SLC25A21: variants seen among roughly 807,000 people sequenced by gnomAD.
SLC25A21 encodes the protein solute carrier family 25 member 21.
In SLC25A21, 47 loss-of-function variants were observed where a neutral mutation model predicts 43.8. That is an observed-to-expected ratio of 1.07 (90% CI 0.85 to 1.37). The LOEUF (loss-of-function observed/expected upper bound fraction) is 1.37, where lower values mean the gene tolerates loss of function less well. Among genes scored for constraint, SLC25A21 ranks in the 40% most tolerant of loss-of-function variants. The pLI, the probability that SLC25A21 is intolerant of heterozygous loss-of-function variation, is 0.00. For missense variants in SLC25A21, 352 were observed against 350.2 expected, an observed-to-expected ratio of 1.00 and a Z score of -0.04; for synonymous variants, 131 against 121.3, an observed-to-expected ratio of 1.08 and a Z score of -0.52.
chr14:36,825,100 A>G (rs1367640086), intron 2 of SLC25A21, among the ~76,000 whole-genome samples: 1 of 152,200 alleles, frequency 6.6e-6, no homozygotes, highest in African/African-American at 2.4e-5. Flanking sequence ...GCATCGATAC[A>G]TTCTGGACAA....
Position 36,711,590 on chromosome 14 carries a change from C to T in SLC25A21, c.439-108G>A, listed in dbSNP as rs373417361. 5 of 1,262,644 alleles carry T rather than the reference C, an allele frequency of 4.0e-6. No homozygotes were observed. In the African/African-American group the frequency reaches 6.0e-5, roughly 15 times the overall value. 78.2% of individuals were successfully genotyped at this position (1,262,644 alleles called of 1,614,324 possible). A position where few individuals can be genotyped will look rare whatever the true frequency, so the allele number is the denominator to read the frequency against. On this transcript the variant is annotated intron_variant, in intron 6 of 9. Coordinates refer to ENST00000331299, the MANE Select transcript of SLC25A21 (RefSeq NM_030631.4). ...GCCAGAATTATTAGGGACTTTTTTC[C>T]CCCAGATATGAATAATCATGCCTAG...
chr14:37,051,307 G>C (rs1479910236), intron 1 of SLC25A21, among the ~76,000 whole-genome samples: 1 of 152,184 alleles, frequency 6.6e-6, no homozygotes, highest in African/African-American at 2.4e-5. Flanking sequence ...TGACAGACTA[G>C]GGGCTTGGAA....
intron 1 of SLC25A21, among the ~76,000 whole-genome samples, chr14:37,023,004 G>C (rs2022724): frequency 0.26 from 39,676 of 151,836 alleles, 9,509 homozygotes; most frequent in African/African-American, 0.64. Flanking sequence ...AGGTAATTTC[G>C]TATAGGGTCC....
intron 2 of SLC25A21, among the ~76,000 whole-genome samples, chr14:36,837,241 T>C (rs2138491289): frequency 6.6e-6 from 1 of 151,932 alleles, no homozygotes. Context: ...TGGAGAACAC[T>C]GAGCTGGGGC....
Position 36,695,146 on chromosome 14 carries a change from C to T in SLC25A21, c.604-10221G>A, listed in dbSNP as rs926420926. 6.1e-4 allele frequency among the ~76,000 whole-genome samples: 87 copies of T among 143,130 alleles called. 1 individual carries two copies. Among genetic ancestry groups the T allele is most frequent in the African/African-American group, 1.8e-3 (74 of 41,154 alleles). The allele number at this position is 143,130 out of a possible 152,430, so 93.9% of individuals were successfully genotyped here. A position where few individuals can be genotyped will look rare whatever the true frequency, so the allele number is the denominator to read the frequency against. ...ACATATGGCTAGCCTGTTTTCCCAG[C>T]GCACCATTTATTAAATAGGGAATCC... On this transcript the variant is annotated intron_variant, in intron 7 of 9. Transcript: ENST00000331299.
intron 7 of SLC25A21, among the ~76,000 whole-genome samples, chr14:36,697,445 G>A (rs1201999913): frequency 6.6e-6 from 1 of 152,176 alleles, no homozygotes; most frequent in African/African-American, 2.4e-5. Flanking sequence ...GCAGAGCTGA[G>A]TTCAGGTCCT....
intron 7 of SLC25A21, among the ~76,000 whole-genome samples, chr14:36,698,683 C>A (rs1369238691): frequency 6.6e-6 from 1 of 152,082 alleles, no homozygotes; most frequent in Non-Finnish European, 1.5e-5. Context: ...GTCACTGATA[C>A]CCTTTCTTCC....
At chr14:37,095,717 T>C (rs1211567744) in intron 1 of SLC25A21, among the ~76,000 whole-genome samples, 1 of 151,822 alleles carries the variant, frequency 6.6e-6, no homozygotes, top group African/African-American at 2.4e-5. Flanking sequence ...TAGCAAGAAC[T>C]CATCTCTACT....
In SLC25A21 at chr14:36,708,158, G is replaced by A. The variant is rs115909616; in HGVS notation, c.603+3160C>T. Among the ~76,000 whole-genome samples, 1,010 of 152,282 alleles carry A rather than the reference G, an allele frequency of 6.6e-3. 10 individuals carry two copies. Among genetic ancestry groups the A allele is most frequent in the African/African-American group, 0.023 (964 of 41,556 alleles). On this transcript the variant is annotated intron_variant, in intron 7 of 9. Coordinates refer to ENST00000331299, the MANE Select transcript of SLC25A21 (RefSeq NM_030631.4). ...TATTTCACTAAACTCCCTACTGTAG[G>A]ATACTTTGGATGGGAGTGAGGAAAT... is the stretch of plus-strand genomic sequence containing the variant.
chr14:37,074,551 G>A (rs1020078320), intron 1 of SLC25A21, among the ~76,000 whole-genome samples: 2 of 152,190 alleles, frequency 1.3e-5, no homozygotes, highest in African/African-American at 4.8e-5. Flanking sequence ...TCAAAAGGCA[G>A]CCAGGCATGG....
At chr14:36,965,934 A>G (rs1959602444) in intron 1 of SLC25A21, among the ~76,000 whole-genome samples, 1 of 152,248 alleles carries the variant, frequency 6.6e-6, no homozygotes, top group Non-Finnish European at 1.5e-5. Context: ...TGAATATCCA[A>G]TTGCCCATGA....
At chr14:36,793,043 T>C (rs1325812072) in intron 3 of SLC25A21, among the ~76,000 whole-genome samples, 1 of 152,214 alleles carries the variant, frequency 6.6e-6, no homozygotes, top group Non-Finnish European at 1.5e-5. Flanking sequence ...CGTCTTATAC[T>C]GGCATTACTT....
chr14:36,699,720 T>C (rs916993871), intron 7 of SLC25A21, among the ~76,000 whole-genome samples: 3 of 152,206 alleles, frequency 2.0e-5, no homozygotes, highest in Admixed American at 6.5e-5. Flanking sequence ...GCACTAACAG[T>C]GAGCAAGGCT....
chr14:36,782,474 C>G (rs934438474), intron 3 of SLC25A21, among the ~76,000 whole-genome samples: 1 of 151,978 alleles, frequency 6.6e-6, no homozygotes, highest in African/African-American at 2.4e-5. Flanking sequence ...GTGTCATATT[C>G]CCTTGGATTG....
chr14:36,779,902 T>C (rs1482544463), intron 3 of SLC25A21, among the ~76,000 whole-genome samples: 1 of 151,862 alleles, frequency 6.6e-6, no homozygotes, highest in Non-Finnish European at 1.5e-5. Flanking sequence ...TACCAATTTA[T>C]ATTCTACCAA....
chr14:36,697,424 G>C (rs1480084643), intron 7 of SLC25A21, among the ~76,000 whole-genome samples: 3 of 152,174 alleles, frequency 2.0e-5, no homozygotes, highest in Non-Finnish European at 4.4e-5. Flanking sequence ...TGTCTATTAA[G>C]TCTGCTTGTT....
At chr14:36,778,607 T>G (rs848125) in intron 3 of SLC25A21, among the ~76,000 whole-genome samples, 95,251 of 152,042 alleles carry the variant, frequency 0.63, 30,445 homozygotes, top group East Asian at 0.89. Flanking sequence ...CCATTTTATT[T>G]ATTAGAATGG....
intron 3 of SLC25A21, among the ~76,000 whole-genome samples, chr14:36,783,050 A>T (rs1887128034): frequency 6.6e-6 from 1 of 152,096 alleles, no homozygotes; most frequent in South Asian, 2.1e-4. Flanking sequence ...TTGATCCTGC[A>T]AAGCCATGTC....
chr14:37,150,452 T>C (rs898845672), intron 1 of SLC25A21, among the ~76,000 whole-genome samples: 2 of 152,128 alleles, frequency 1.3e-5, no homozygotes, highest in Non-Finnish European at 2.9e-5. Flanking sequence ...CATTTTTCCA[T>C]ACATACACAG....
Sources: allele counts gnomAD v4.1 joint callset (sites outside exome capture counted in the v4.1 genomes callset), GRCh38; gene constraint gnomAD v4.1.1; transcripts MANE v1.5; gene names NCBI Gene and HGNC (gene_info 2026-07-23, HGNC 2026-07-21).